TCP11L2: variants seen among roughly 807,000 people sequenced by gnomAD.
TCP11L2 encodes the protein T-complex protein 11-like protein 2.
TCP11L2 carries 39 observed loss-of-function variants against 50.7 expected under a neutral mutation model. The ratio of observed to expected loss-of-function variants is 0.77; its 90% confidence interval spans 0.60 to 1.01. TCP11L2 has a LOEUF of 1.01. TCP11L2 is among the 50% of genes least tolerant of loss of function. The probability of loss-of-function intolerance (pLI) is 0.00; values close to 1 mark genes in which losing one functional copy is unlikely to be tolerated. For synonymous variants in TCP11L2, 192 were observed against 219.3 expected (o/e 0.88, Z 1.10); for missense variants, 612 against 614.7 (o/e 1.00, Z 0.05).
At chr12:106,327,898 CTAAG>C (rs1592961798) in intron 6 of TCP11L2, among the ~76,000 whole-genome samples, 1 of 152,126 alleles carries the variant, frequency 6.6e-6, no homozygotes, top group Non-Finnish European at 1.5e-5. Context: ...ATTATCTGTA[CTAAG>C]TAAGTAGCAA....
Position 106,323,585 on chromosome 12 carries a change from TCAA to T in TCP11L2, c.713_715del (p.Gln238del). 1.2e-6 allele frequency: 2 copies of T among 1,608,126 alleles called. No homozygotes were observed. Among genetic ancestry groups the T allele is most frequent in the Non-Finnish European group, 1.7e-6 (2 of 1,177,322 alleles). The stretch of plus-strand genomic sequence containing the variant: ...CAATTATGAGTCTCAGACCGCACCT[TCAA>T]CGCCAGTTGGTGGAATATGAGAGAA... On this transcript the variant is annotated inframe_deletion, in exon 6 of 10. Coordinates refer to ENST00000299045, the MANE Select transcript of TCP11L2 (RefSeq NM_152772.3).
chr12:106,343,337 C>G (rs1029384377), intron 9 of TCP11L2, among the ~76,000 whole-genome samples: 10 of 152,124 alleles, frequency 6.6e-5, no homozygotes, highest in Non-Finnish European at 1.2e-4. Flanking sequence ...GGCAACTAGT[C>G]TAAAGGGAAA....
intron 3 of TCP11L2, among the ~76,000 whole-genome samples, chr12:106,316,261 C>A (rs1196945150): frequency 2.1e-5 from 3 of 141,432 alleles, no homozygotes; most frequent in Non-Finnish European, 4.7e-5. Context: ...TATCCAGTAG[C>A]CTTAATGATG....
At chr12:106,315,997 CTCT>C (rs951998627) in intron 3 of TCP11L2, among the ~76,000 whole-genome samples, 2 of 152,320 alleles carry the variant, frequency 1.3e-5, no homozygotes, top group Non-Finnish European at 1.5e-5. Context: ...AATGTAATAA[CTCT>C]TCTTCTTTAA....
chr12:106,298,501 C>T (rs2034376278), upstream of TCP11L2, among the ~76,000 whole-genome samples: 1 of 152,092 alleles, frequency 6.6e-6, no homozygotes, highest in Non-Finnish European at 1.5e-5. Context: ...CTTTGAAAAA[C>T]ATTTTTTTTA....
At chr12:106,322,840 TC>T (rs2035391468) in intron 5 of TCP11L2, among the ~76,000 whole-genome samples, 1 of 152,238 alleles carries the variant, frequency 6.6e-6, no homozygotes, top group South Asian at 2.1e-4. Context: ...AGATTGTGAT[TC>T]CTCAGTTATA....
At chr12:106,325,514 A>G (rs543766024) in intron 6 of TCP11L2, 24 of 152,392 alleles carry the variant, frequency 1.6e-4, no homozygotes, top group African/African-American at 4.8e-4. Flanking sequence ...CAAGAAAGAC[A>G]CAGGCCAACT....
Position 106,323,592 on chromosome 12 carries a change from C to T in TCP11L2, c.718C>T (p.Gln240Ter). 1 of 1,606,768 alleles carries T rather than the reference C, an allele frequency of 6.2e-7. No individual in the cohort carries two copies. The highest frequency in any genetic ancestry group is 2.2e-5 in the East Asian group (1 of 44,508). ...GAGTCTCAGACCGCACCTTCAACGCCAGTTGGTGGAATATGAGAGAACCAA... is the reference window on the plus strand; with the variant it reads ...GAGTCTCAGACCGCACCTTCAACGCTAGTTGGTGGAATATGAGAGAACCAA... ...IMSLRPHLQR[Q>*]LVEYERTKFQ... Residue 240 changes from glutamine to a stop codon, truncating the protein, a stop_gained, in exon 6 of 10, where the codon CAG (glutamine) becomes TAG (stop). Transcript: ENST00000299045. LOFTEE classifies it high-confidence loss of function.
intron 6 of TCP11L2, 46 bp downstream of exon 6, chr12:106,323,692 G>C: frequency 3.8e-6 from 4 of 1,052,252 alleles, no homozygotes; most frequent in Non-Finnish European, 5.2e-6. Context: ...AGGTTAAAAT[G>C]ATGATTTTAA....
chr12:106,330,219 T>C, intron 6 of TCP11L2: 6 of 985,432 alleles, frequency 6.1e-6, no homozygotes, highest in Non-Finnish European at 6.0e-6. Flanking sequence ...CCTCCTGGAA[T>C]AGCCTTGGCA....
At chr12:106,299,612 T>A (rs895468035), upstream of TCP11L2, among the ~76,000 whole-genome samples, 1 of 152,012 alleles carries the variant, frequency 6.6e-6, no homozygotes, top group Non-Finnish European at 1.5e-5. Context: ...AAGCCAGCCG[T>A]GGGAAAGAAG....
At chr12:106,320,188 C>T (rs1317733536) in intron 4 of TCP11L2, among the ~76,000 whole-genome samples, 5 of 152,068 alleles carry the variant, frequency 3.3e-5, no homozygotes, top group Admixed American at 6.6e-5. Context: ...ATCACAAGGT[C>T]GGGGGATAGA....
At chr12:106,308,285 G>A (rs2034711408) in intron 1 of TCP11L2, among the ~76,000 whole-genome samples, 1 of 152,166 alleles carries the variant, frequency 6.6e-6, no homozygotes, top group Non-Finnish European at 1.5e-5. Context: ...GAAACCTTAT[G>A]ACTGGCCCAA....
In TCP11L2 at chr12:106,313,967, C is replaced by T. The variant is rs1458335433; in HGVS notation, c.158-391C>T. Among the ~76,000 whole-genome samples, 7 of 151,926 alleles carry T rather than the reference C, an allele frequency of 4.6e-5. 1 individual carries two copies. In the South Asian group the frequency reaches 8.3e-4, roughly 18 times the overall value. ...ATTTTTAGTAGAGACGGGGTTTCACCGTGTTAACCAGGATGGTCTTGATCT... is the reference window on the plus strand; with the variant it reads ...ATTTTTAGTAGAGACGGGGTTTCACTGTGTTAACCAGGATGGTCTTGATCT... On this transcript the variant is annotated intron_variant, in intron 2 of 9. Transcript: ENST00000299045.
At chr12:106,330,110 C>G (rs906818211) in intron 6 of TCP11L2, 2 of 985,248 alleles carry the variant, frequency 2.0e-6, no homozygotes, top group African/African-American at 3.5e-5. Flanking sequence ...CAATTTGTTT[C>G]TAGTGGGAAA....
rs755858136 is a variant in TCP11L2 at position 106,318,343 on chromosome 12, G to A, written c.294-1G>A. ...AAAAACAATTCATTTTATTGCCATAGTTTGGCTGGTCGAGTGAAGCACATT... is the reference window on the plus strand; with the variant it reads ...AAAAACAATTCATTTTATTGCCATAATTTGGCTGGTCGAGTGAAGCACATT... On this transcript the variant is annotated splice_acceptor_variant, in intron 3 of 9. Transcript: ENST00000299045. LOFTEE classifies it high-confidence loss of function. 6.2e-7 allele frequency: 1 copy of A among 1,612,418 alleles called. No individual in the cohort carries two copies. Among genetic ancestry groups the A allele is most frequent in the South Asian group, 1.1e-5 (1 of 90,860 alleles).
chr12:106,324,443 T>A (rs1020799896), intron 6 of TCP11L2: 2 of 152,148 alleles, frequency 1.3e-5, no homozygotes, highest in African/African-American at 4.8e-5. Flanking sequence ...GCAGGTCACA[T>A]AGAGCATTGT....
upstream of TCP11L2, among the ~76,000 whole-genome samples, chr12:106,301,692 T>C (rs190312132): frequency 4.3e-4 from 66 of 152,324 alleles, no homozygotes; most frequent in Admixed American, 1.4e-3. Context: ...ATGAAACTAT[T>C]TCCCAAGTAA....
At chr12:106,306,724 G>A (rs2034646041) in intron 1 of TCP11L2, among the ~76,000 whole-genome samples, 1 of 152,168 alleles carries the variant, frequency 6.6e-6, no homozygotes, top group Non-Finnish European at 1.5e-5. Context: ...AGGAGCTTAA[G>A]TACTTGACAG....
Sources: allele counts gnomAD v4.1 joint callset (sites outside exome capture counted in the v4.1 genomes callset), GRCh38; gene constraint gnomAD v4.1.1; transcripts MANE v1.5; gene names NCBI Gene and HGNC (gene_info 2026-07-23, HGNC 2026-07-21).